The following CPQ variants were observed in gnomAD, a reference collection of about 807,000 sequenced individuals.
CPQ encodes Ser-Met dipeptidase.
In CPQ, 37 loss-of-function variants were observed where a neutral mutation model predicts 45.7. That is an observed-to-expected ratio of 0.81 (90% CI 0.62 to 1.07). The LOEUF is 1.07. Ranked by LOEUF, CPQ falls within the 50% of genes least tolerant of loss-of-function variation. CPQ has a pLI of 0.00. For missense variants in CPQ, 537 were observed against 572.9 expected, an observed-to-expected ratio of 0.94 and a Z score of 0.64; for synonymous variants, 186 against 205.8, an observed-to-expected ratio of 0.90 and a Z score of 0.82.
At chr8:96,927,116 G>T (rs1056490018) in intron 4 of CPQ, among the ~76,000 whole-genome samples, 2 of 152,158 alleles carry the variant, frequency 1.3e-5, no homozygotes, top group African/African-American at 4.8e-5. Flanking sequence ...CTTTAAATAT[G>T]ACATACTTTC....
intron 6 of CPQ, among the ~76,000 whole-genome samples, chr8:97,055,320 A>G (rs1297383220): frequency 9.9e-5 from 15 of 152,118 alleles, no homozygotes; most frequent in Non-Finnish European, 2.2e-4. Flanking sequence ...TCCTAAAGCC[A>G]TTGGTTGCAC....
intron 5 of CPQ, among the ~76,000 whole-genome samples, chr8:97,011,302 T>C (rs1019083801): frequency 1.3e-5 from 2 of 152,182 alleles, no homozygotes; most frequent in Non-Finnish European, 2.9e-5. Flanking sequence ...ACCAAACACA[T>C]ATATGCAATC....
intron 5 of CPQ, among the ~76,000 whole-genome samples, chr8:96,966,597 A>G (rs1362951252): frequency 6.6e-6 from 1 of 152,020 alleles, no homozygotes; most frequent in African/African-American, 2.4e-5. Context: ...AGCCAGTAGC[A>G]CCCTCCCCTA....
chr8:96,837,863 A>G (rs1811551575), intron 3 of CPQ, among the ~76,000 whole-genome samples: 1 of 152,088 alleles, frequency 6.6e-6, no homozygotes, highest in South Asian at 2.1e-4. Context: ...TCTAACAGAC[A>G]CTGAGTCTCT....
In CPQ at chr8:96,745,984, C is replaced by T. The variant is rs77960385; in HGVS notation, c.-34-38880C>T. On this transcript the variant is annotated intron_variant, in intron 1 of 7. Transcript: ENST00000220763. Reference sequence around the variant, plus strand: ...TTCCATGAGGTTATTGAAACTGTGCCAGAGCTTAACAAATGCATGATTTTC... The same window carrying T: ...TTCCATGAGGTTATTGAAACTGTGCTAGAGCTTAACAAATGCATGATTTTC... 2.6e-3 allele frequency among the ~76,000 whole-genome samples: 403 copies of T among 152,210 alleles called. 14 individuals carry two copies. In the East Asian group the frequency reaches 0.066, roughly 25 times the overall value.
At chr8:97,027,800 A>G (rs954157758) in intron 5 of CPQ, among the ~76,000 whole-genome samples, 10 of 152,236 alleles carry the variant, frequency 6.6e-5, no homozygotes, top group African/African-American at 2.4e-4. Context: ...CGACATTACA[A>G]TGAATAAAAA....
At chr8:97,099,580 C>T (rs1044835025) in intron 7 of CPQ, among the ~76,000 whole-genome samples, 6 of 151,058 alleles carry the variant, frequency 4.0e-5, no homozygotes, top group African/African-American at 1.5e-4. Flanking sequence ...CGTGGTTTCT[C>T]CTAGTGCTAA....
At chr8:96,824,339 A>G (rs916639731) in intron 2 of CPQ, among the ~76,000 whole-genome samples, 11 of 152,080 alleles carry the variant, frequency 7.2e-5, no homozygotes, top group Non-Finnish European at 1.6e-4. Flanking sequence ...TAAGGATTAC[A>G]TTAAATAATA....
chr8:96,752,410 T>A (rs1810273987), intron 1 of CPQ, among the ~76,000 whole-genome samples: 1 of 152,148 alleles, frequency 6.6e-6, no homozygotes, highest in African/African-American at 2.4e-5. Context: ...GGGAGTTCAT[T>A]CATGATTTGG....
intron 1 of CPQ, among the ~76,000 whole-genome samples, chr8:96,740,721 CAT>C (rs1232278001): frequency 1.3e-5 from 2 of 152,010 alleles, no homozygotes; most frequent in Non-Finnish European, 2.9e-5. Flanking sequence ...TTGAGATAAT[CAT>C]GTGGTTTTTG....
intron 1 of CPQ, among the ~76,000 whole-genome samples, chr8:96,670,021 A>T (rs1808980177): frequency 6.6e-6 from 1 of 152,178 alleles, no homozygotes; most frequent in Non-Finnish European, 1.5e-5. Context: ...TTAACTTTGA[A>T]CTCATTGCCA....
At chr8:96,765,096 C>T (rs190474045) in intron 1 of CPQ, among the ~76,000 whole-genome samples, 1 of 152,280 alleles carries the variant, frequency 6.6e-6, no homozygotes, top group African/African-American at 2.4e-5. Context: ...TTTGGGTGAC[C>T]TCTTTTTGCT....
At chr8:96,971,183 G>C (rs1217199748) in intron 5 of CPQ, among the ~76,000 whole-genome samples, 1 of 152,138 alleles carries the variant, frequency 6.6e-6, no homozygotes, top group Admixed American at 6.5e-5. Flanking sequence ...CCTTGGATTT[G>C]TTTTCATTCT....
chr8:97,067,131 T>G (rs1194407608), intron 7 of CPQ, among the ~76,000 whole-genome samples: 1 of 151,906 alleles, frequency 6.6e-6, no homozygotes, highest in Non-Finnish European at 1.5e-5. Context: ...TTCGCCATGT[T>G]GCCCAGGCTG....
At position 96,973,889 on chromosome 8, in the gene CPQ, T is replaced by C. The variant is rs1310365455; in HGVS notation, c.961+7843T>C. On this transcript the variant is annotated intron_variant, in intron 5 of 7. Coordinates refer to ENST00000220763, the MANE Select transcript of CPQ (RefSeq NM_016134.4). The stretch of plus-strand genomic sequence containing the variant: ...AAGGAGCTCTAAATCTTGAAACAAA[T>C]CCTTGAAATATACCAAAATAGAATC... Among the ~76,000 whole-genome samples, 7 of 152,182 alleles carry C rather than the reference T, an allele frequency of 4.6e-5. No homozygotes were observed. In the East Asian group the frequency reaches 1.4e-3, roughly 29 times the overall value.
intron 4 of CPQ, among the ~76,000 whole-genome samples, chr8:96,882,184 T>A (rs1812233234): frequency 6.6e-6 from 1 of 152,136 alleles, no homozygotes; most frequent in Non-Finnish European, 1.5e-5. Context: ...TCTTCTAAAA[T>A]CATCTGCTTC....
intron 1 of CPQ, among the ~76,000 whole-genome samples, chr8:96,759,350 T>C (rs1382324607): frequency 6.6e-6 from 1 of 152,120 alleles, no homozygotes; most frequent in Non-Finnish European, 1.5e-5. Flanking sequence ...AAATCAGAAA[T>C]AGACCACATA....
chr8:96,801,524 CAT>C (rs1811007792), intron 2 of CPQ, among the ~76,000 whole-genome samples: 1 of 152,020 alleles, frequency 6.6e-6, no homozygotes, highest in African/African-American at 2.4e-5. Flanking sequence ...GTTTTTATGT[CAT>C]ACATCTTTGC....
At chr8:97,033,595 A>C (rs977610270) in intron 6 of CPQ, among the ~76,000 whole-genome samples, 15 of 151,304 alleles carry the variant, frequency 9.9e-5, no homozygotes, top group African/African-American at 3.6e-4. Context: ...GGAAGATATT[A>C]TTGTAATGAT....
Sources: gnomAD v4.1 joint callset for allele counts (sites outside exome capture counted in the v4.1 genomes callset) on GRCh38, gnomAD v4.1.1 for gene constraint, MANE v1.5 for transcripts, NCBI Gene and HGNC (gene_info 2026-07-23, HGNC 2026-07-21) for gene names.